The following RIMS1 variants were observed in gnomAD, a reference collection of about 807,000 sequenced individuals.
RIMS1 encodes regulating synaptic membrane exocytosis protein 1.
A neutral mutation model predicts 214.1 loss-of-function variants in RIMS1; 83 were observed. That is an observed-to-expected ratio of 0.39 (90% CI 0.32 to 0.47). RIMS1 has a LOEUF of 0.47. RIMS1 is among the 20% of genes least tolerant of loss of function. The probability of loss-of-function intolerance (pLI) is 0.99; values close to 1 mark genes in which losing one functional copy is unlikely to be tolerated. For missense variants in RIMS1, 2,050 were observed against 2,161.8 expected (o/e 0.95, Z 1.03); for synonymous variants, 793 against 786.8 (o/e 1.01, Z -0.13).
At chr6:72,399,640 A>G (rs546900158) in intron 33 of RIMS1, among the ~76,000 whole-genome samples, 2 of 143,554 alleles carry the variant, frequency 1.4e-5, no homozygotes, top group East Asian at 3.9e-4. Context: ...TTTGTAACTA[A>G]CATGTGCAAT....
At chr6:72,290,921 T>G (rs1245588254) in intron 25 of RIMS1, 60 bp downstream of exon 25, 1 of 1,495,114 alleles carries the variant, frequency 6.7e-7, no homozygotes, top group Non-Finnish European at 9.2e-7. Flanking sequence ...GGTGTGGTGT[T>G]GTACCTTCCT....
chr6:71,936,098 C>T (rs1040954855), intron 1 of RIMS1, among the ~76,000 whole-genome samples: 1 of 151,548 alleles, frequency 6.6e-6, no homozygotes, highest in Non-Finnish European at 1.5e-5. Context: ...CGCCTGTAAT[C>T]CCAGCACTTT....
At chr6:72,280,724 C>T (rs1342617231) in intron 23 of RIMS1, among the ~76,000 whole-genome samples, 2 of 151,994 alleles carry the variant, frequency 1.3e-5, no homozygotes, top group African/African-American at 4.8e-5. Flanking sequence ...TGAGCCTTTG[C>T]ATGAATATTT....
intron 2 of RIMS1, among the ~76,000 whole-genome samples, chr6:72,009,771 A>T (rs1449738649): frequency 1.3e-5 from 2 of 152,170 alleles, no homozygotes; most frequent in African/African-American, 2.4e-5. Context: ...CCAAGACTAA[A>T]CCAGGAAGAA....
chr6:72,357,367 A>G (rs2097680198), intron 29 of RIMS1, among the ~76,000 whole-genome samples: 1 of 152,234 alleles, frequency 6.6e-6, no homozygotes, highest in African/African-American at 2.4e-5. Context: ...TGAGTGGTGC[A>G]CATACATGAA....
chr6:72,180,254 G>A (rs1276074475), intron 5 of RIMS1, among the ~76,000 whole-genome samples: 1 of 152,222 alleles, frequency 6.6e-6, no homozygotes, highest in Non-Finnish European at 1.5e-5. Context: ...CTGAGAGGAT[G>A]TGATGGGGGA....
At chr6:72,074,975 T>C (rs2153750411) in intron 2 of RIMS1, among the ~76,000 whole-genome samples, 1 of 152,306 alleles carries the variant, frequency 6.6e-6, no homozygotes, top group East Asian at 1.9e-4. Context: ...AATTAAGACA[T>C]CAAATCTCAC....
intron 2 of RIMS1, among the ~76,000 whole-genome samples, chr6:72,054,591 G>C (rs941910461): frequency 6.6e-6 from 1 of 151,922 alleles, no homozygotes; most frequent in Admixed American, 6.6e-5. Flanking sequence ...AACATCTATT[G>C]TTTCTTGACT....
chr6:72,014,600 G>A (rs897337778), intron 2 of RIMS1, among the ~76,000 whole-genome samples: 6 of 152,112 alleles, frequency 3.9e-5, no homozygotes, highest in Admixed American at 3.3e-4. Context: ...GTAGGCATTT[G>A]TTTTCAATTT....
At chr6:72,293,539 G>A (rs1457244608) in intron 26 of RIMS1, among the ~76,000 whole-genome samples, 1 of 151,838 alleles carries the variant, frequency 6.6e-6, no homozygotes, top group Non-Finnish European at 1.5e-5. Context: ...TACAAACTCG[G>A]TCTTACCGAT....
chr6:72,209,202 C>G (rs2053415439), intron 6 of RIMS1, among the ~76,000 whole-genome samples: 1 of 152,134 alleles, frequency 6.6e-6, no homozygotes, highest in Admixed American at 6.5e-5. Context: ...GGATCCAGAG[C>G]CCCCTTGATA....
At chr6:72,160,025 T>C (rs547304155) in intron 4 of RIMS1, among the ~76,000 whole-genome samples, 2 of 132,188 alleles carry the variant, frequency 1.5e-5, no homozygotes, top group South Asian at 5.4e-4. Flanking sequence ...CCCATGAGCA[T>C]GGAATGTTCT....
chr6:72,327,893 G>A (rs961766259), intron 28 of RIMS1, among the ~76,000 whole-genome samples: 13 of 151,532 alleles, frequency 8.6e-5, no homozygotes, highest in Non-Finnish European at 1.5e-5. Flanking sequence ...TTCTTCTCTG[G>A]GATTCTTTAA....
intron 9 of RIMS1, among the ~76,000 whole-genome samples, chr6:72,242,050 A>C (rs541067655): frequency 6.6e-6 from 1 of 152,130 alleles, no homozygotes; most frequent in East Asian, 1.9e-4. Flanking sequence ...GGTATATCTC[A>C]AAAGATAAAG....
At chr6:71,990,148 A>C (rs1801161473) in intron 2 of RIMS1, among the ~76,000 whole-genome samples, 1 of 152,190 alleles carries the variant, frequency 6.6e-6, no homozygotes, top group Non-Finnish European at 1.5e-5. Context: ...TATATTTACA[A>C]ATATAGATTT....
chr6:72,080,814 TTTGGTGAA>T (rs1833193617), intron 2 of RIMS1, among the ~76,000 whole-genome samples: 1 of 152,180 alleles, frequency 6.6e-6, no homozygotes, highest in African/African-American at 2.4e-5. Flanking sequence ...AATTTCACCT[TTTGGTGAA>T]GCCTTCTCTA....
At chr6:72,198,326 A>G (rs1399830093) in intron 6 of RIMS1, among the ~76,000 whole-genome samples, 6 of 84,916 alleles carry the variant, frequency 7.1e-5, no homozygotes, top group African/African-American at 3.4e-4. Context: ...GGAGGTTATT[A>G]TGAAATAATA....
intron 4 of RIMS1, among the ~76,000 whole-genome samples, chr6:72,103,400 A>G (rs952955106): frequency 1.3e-5 from 2 of 152,098 alleles, no homozygotes; most frequent in Non-Finnish European, 2.9e-5. Flanking sequence ...ATTATTGCAT[A>G]TTATCAAAGT....
chr6:72,270,340 G>A (rs1221024263), intron 22 of RIMS1, among the ~76,000 whole-genome samples: 1 of 152,144 alleles, frequency 6.6e-6, no homozygotes, highest in Non-Finnish European at 1.5e-5. Flanking sequence ...ACATATGTGT[G>A]TAATCAGTTA....
Sources: allele counts gnomAD v4.1 joint callset (sites outside exome capture counted in the v4.1 genomes callset), GRCh38; gene constraint gnomAD v4.1.1; transcripts MANE v1.5; gene names NCBI Gene and HGNC (gene_info 2026-07-23, HGNC 2026-07-21).